The following LYPLAL1 variants were observed in gnomAD, a reference collection of about 807,000 sequenced individuals.
The protein encoded by LYPLAL1 is lysophospholipase like 1, also known as lysophospholipase-like protein 1.
A neutral mutation model predicts 19.7 loss-of-function variants in LYPLAL1; 23 were observed. That is an observed-to-expected ratio of 1.17 (90% CI 0.84 to 1.65). The LOEUF is 1.65. Among genes scored for constraint, LYPLAL1 ranks in the 40% most tolerant of loss-of-function variants. LYPLAL1 has a pLI of 0.00. For synonymous variants in LYPLAL1, 119 were observed against 96.3 expected (o/e 1.24, Z -1.38); for missense variants, 355 against 279.4 (o/e 1.27, Z -1.93).
In LYPLAL1 at chr1:219,178,607, T is replaced by A. The variant is rs536505846; in HGVS notation, c.92-540T>A. ...ACTTACCAGCTTTGGAGTAGATAAT[T>A]CTTCTTTTAGGTCATGTAAACATGT... On this transcript the variant is annotated intron_variant, in intron 1 of 4. Coordinates refer to ENST00000366928, the MANE Select transcript of LYPLAL1 (RefSeq NM_138794.5). 2.6e-3 allele frequency among the ~76,000 whole-genome samples: 394 copies of A among 152,290 alleles called. 1 individual carries two copies. The highest frequency in any genetic ancestry group is 4.7e-3 in the Non-Finnish European group (322 of 68,026).
At chr1:219,373,836 G>A in the LYPLAL1 span, among the ~76,000 whole-genome samples, 2 of 134,112 alleles carry the variant, frequency 1.5e-5, no homozygotes, top group African/African-American at 2.8e-5. Context: ...ATTTGCAGCA[G>A]GCTTAAGTCA....
the LYPLAL1 span, among the ~76,000 whole-genome samples, chr1:219,254,325 TGTTAGCTG>T: frequency 6.6e-6 from 1 of 152,066 alleles, no homozygotes; most frequent in Admixed American, 6.6e-5. Context: ...GTCATTGTGC[TGTTAGCTG>T]GTTATTATGT....
the LYPLAL1 span, among the ~76,000 whole-genome samples, chr1:219,256,882 TG>T: frequency 3.3e-5 from 5 of 152,122 alleles, no homozygotes; most frequent in African/African-American, 1.2e-4. Flanking sequence ...TCTTTTTTTG[TG>T]GTTATTGCTT....
the LYPLAL1 span, among the ~76,000 whole-genome samples, chr1:219,369,342 G>A: frequency 6.6e-6 from 1 of 152,216 alleles, no homozygotes; most frequent in Admixed American, 6.5e-5. Flanking sequence ...CATGATCTTG[G>A]CTCACTGCAA....
chr1:219,336,036 T>A, the LYPLAL1 span, among the ~76,000 whole-genome samples: 7 of 150,644 alleles, frequency 4.6e-5, no homozygotes, highest in Admixed American at 4.6e-4. Flanking sequence ...AGAGGTCGAA[T>A]GTCTTTCTGT....
chr1:219,366,934 C>G, the LYPLAL1 span, among the ~76,000 whole-genome samples: 2 of 151,894 alleles, frequency 1.3e-5, no homozygotes, highest in East Asian at 3.9e-4. Context: ...GATTTTTTAT[C>G]CCTTGGTCAC....
At chr1:219,253,600 A>G in the LYPLAL1 span, among the ~76,000 whole-genome samples, 1 of 142,344 alleles carries the variant, frequency 7.0e-6, no homozygotes, top group Non-Finnish European at 1.6e-5. Context: ...AGTGATTTTC[A>G]TAGTCTTTAC....
At chr1:219,344,287 A>G in the LYPLAL1 span, among the ~76,000 whole-genome samples, 2 of 152,150 alleles carry the variant, frequency 1.3e-5, no homozygotes, top group Non-Finnish European at 2.9e-5. Context: ...TTTATTCTTT[A>G]TAGCATTTGA....
chr1:219,403,337 G>T, the LYPLAL1 span, among the ~76,000 whole-genome samples: 2 of 152,204 alleles, frequency 1.3e-5, no homozygotes, highest in Non-Finnish European at 2.9e-5. Flanking sequence ...TACAGTGCAT[G>T]GGGATTGCAG....
At chr1:219,176,490 C>T (rs1207911050) in intron 1 of LYPLAL1, among the ~76,000 whole-genome samples, 6 of 152,294 alleles carry the variant, frequency 3.9e-5, no homozygotes, top group Non-Finnish European at 4.4e-5. Context: ...ATGTAATGGA[C>T]ATTTTCAGTC....
chr1:219,220,549 T>G, the LYPLAL1 span, among the ~76,000 whole-genome samples: 1 of 152,178 alleles, frequency 6.6e-6, no homozygotes, highest in Admixed American at 6.6e-5. Context: ...GGCCGTTACC[T>G]GGAATATCAT....
At chr1:219,328,453 C>A in the LYPLAL1 span, among the ~76,000 whole-genome samples, 3 of 152,112 alleles carry the variant, frequency 2.0e-5, no homozygotes, top group Non-Finnish European at 2.9e-5. Flanking sequence ...TCTCTTTGTG[C>A]CCACCATTAT....
intron 3 of LYPLAL1, among the ~76,000 whole-genome samples, chr1:219,209,532 G>C (rs1429262607): frequency 6.6e-6 from 1 of 152,062 alleles, no homozygotes; most frequent in Admixed American, 6.6e-5. Flanking sequence ...TCTCTTAAGA[G>C]CTCAGCTTTA....
chr1:219,328,315 T>C, the LYPLAL1 span, among the ~76,000 whole-genome samples: 1 of 152,240 alleles, frequency 6.6e-6, no homozygotes, highest in Admixed American at 6.5e-5. Context: ...TCCTAAGCTG[T>C]TCTTGCAGTT....
At chr1:219,285,082 A>G in the LYPLAL1 span, among the ~76,000 whole-genome samples, 1 of 152,370 alleles carries the variant, frequency 6.6e-6, no homozygotes, top group Non-Finnish European at 1.5e-5. Context: ...TGGAAAATTC[A>G]GATTAAAGAA....
the LYPLAL1 span, among the ~76,000 whole-genome samples, chr1:219,296,617 A>G: frequency 4.6e-5 from 7 of 151,902 alleles, no homozygotes; most frequent in South Asian, 1.2e-3. Flanking sequence ...CTAACAAAAC[A>G]CCCTTCTTTT....
chr1:219,313,629 G>A, the LYPLAL1 span, among the ~76,000 whole-genome samples: 1 of 151,904 alleles, frequency 6.6e-6, no homozygotes, highest in African/African-American at 2.4e-5. Context: ...CATACTTCCG[G>A]GTTCATGTGA....
At chr1:219,288,249 CTG>C in the LYPLAL1 span, among the ~76,000 whole-genome samples, 1 of 152,082 alleles carries the variant, frequency 6.6e-6, no homozygotes, top group Non-Finnish European at 1.5e-5. Context: ...GTTAAAGAAA[CTG>C]TGGTATGTTC....
chr1:219,435,309 A>G, the LYPLAL1 span: 1 of 152,212 alleles, frequency 6.6e-6, no homozygotes, highest in East Asian at 1.9e-4. Flanking sequence ...AGAACTTTCT[A>G]TCTTCTCAAG....
Sources: gnomAD v4.1 joint callset for allele counts (sites outside exome capture counted in the v4.1 genomes callset) on GRCh38, gnomAD v4.1.1 for gene constraint, MANE v1.5 for transcripts, NCBI Gene and HGNC (gene_info 2026-07-23, HGNC 2026-07-21) for gene names.